The following OSBPL8 variants were observed in gnomAD, a reference collection of about 807,000 sequenced individuals.
OSBPL8 encodes the protein oxysterol-binding protein-related protein 8.
In OSBPL8, 59 loss-of-function variants were observed where a neutral mutation model predicts 125.5. The observed-to-expected ratio is 0.47, with a 90% CI of 0.38 to 0.58. The LOEUF is 0.58. Among genes scored for constraint, OSBPL8 ranks in the 20% least tolerant of loss-of-function variants. The probability of loss-of-function intolerance (pLI) is 0.00; values close to 1 mark genes in which losing one functional copy is unlikely to be tolerated. For synonymous variants in OSBPL8, 330 were observed against 338.9 expected (o/e 0.97, Z 0.29); for missense variants, 758 against 1,047.8 (o/e 0.72, Z 3.82).
Position 76,403,919 on chromosome 12 carries a change from G to T in OSBPL8, c.289-1153C>A, listed in dbSNP as rs186730439. ...AGAATGAACTTAGTAAATATCTAACGAATTAATAAAATGAAAATAAAATAG... is the reference window on the plus strand; with the variant it reads ...AGAATGAACTTAGTAAATATCTAACTAATTAATAAAATGAAAATAAAATAG... On this transcript the variant is annotated intron_variant, in intron 5 of 23. Coordinates refer to ENST00000261183, the MANE Select transcript of OSBPL8 (RefSeq NM_020841.5). Among the ~76,000 whole-genome samples, 294 of 152,172 alleles carry T rather than the reference G, an allele frequency of 1.9e-3. 1 individual carries two copies. The highest frequency in any genetic ancestry group is 6.7e-3 in the African/African-American group (278 of 41,554).
chr12:76,408,379 G>A (rs1319184059), intron 5 of OSBPL8, among the ~76,000 whole-genome samples: 2 of 149,452 alleles, frequency 1.3e-5, no homozygotes, highest in Non-Finnish European at 3.0e-5. Flanking sequence ...GAAGAATGGC[G>A]TGAACCCAGG....
At chr12:76,462,171 T>C (rs1874823399) in intron 2 of OSBPL8, among the ~76,000 whole-genome samples, 1 of 152,236 alleles carries the variant, frequency 6.6e-6, no homozygotes, top group African/African-American at 2.4e-5. Flanking sequence ...CATCTTCTAT[T>C]TAAAGATTAA....
intron 4 of OSBPL8, 124 bp downstream of exon 4, chr12:76,450,727 C>A (rs1490675076): frequency 2.2e-6 from 2 of 918,770 alleles, no homozygotes; most frequent in Non-Finnish European, 1.6e-6. Flanking sequence ...CAAACAAAAC[C>A]CCTTACAAAA....
At chr12:76,512,133 C>G (rs530956956) in intron 1 of OSBPL8, among the ~76,000 whole-genome samples, 3 of 152,150 alleles carry the variant, frequency 2.0e-5, no homozygotes, top group Non-Finnish European at 2.9e-5. Context: ...TAACCCTCCC[C>G]GCTCAAGTAG....
chr12:76,447,376 A>G (rs1392111693), intron 4 of OSBPL8, among the ~76,000 whole-genome samples: 1 of 152,206 alleles, frequency 6.6e-6, no homozygotes. Flanking sequence ...CACACTCCCT[A>G]CAAAGTATTC....
At chr12:76,527,729 G>A (rs1436095167) in intron 1 of OSBPL8, among the ~76,000 whole-genome samples, 1 of 152,106 alleles carries the variant, frequency 6.6e-6, no homozygotes, top group Non-Finnish European at 1.5e-5. Flanking sequence ...AAAAAACATT[G>A]AGTTGCAATA....
chr12:76,549,061 T>C (rs995184006), intron 1 of OSBPL8, among the ~76,000 whole-genome samples: 7 of 151,272 alleles, frequency 4.6e-5, no homozygotes, highest in African/African-American at 1.7e-4. Flanking sequence ...CAACAAAACT[T>C]ACAGATTACC....
At chr12:76,478,713 A>G (rs1877106162) in intron 2 of OSBPL8, among the ~76,000 whole-genome samples, 1 of 152,250 alleles carries the variant, frequency 6.6e-6, no homozygotes, top group Non-Finnish European at 1.5e-5. Context: ...ATATATTCAC[A>G]CTTAGGAAGT....
chr12:76,483,154 G>A (rs536396786), intron 2 of OSBPL8, among the ~76,000 whole-genome samples: 2 of 152,244 alleles, frequency 1.3e-5, no homozygotes, highest in East Asian at 3.9e-4. Context: ...CAGCTACTCA[G>A]GAGGCTGAGA....
chr12:76,398,394 C>T (rs1214714114), intron 7 of OSBPL8, among the ~76,000 whole-genome samples: 1 of 152,126 alleles, frequency 6.6e-6, no homozygotes, highest in African/African-American at 2.4e-5. Flanking sequence ...CCTAAAATTA[C>T]CTTATTCAAA....
At chr12:76,394,946 G>C (rs1215103538) in intron 8 of OSBPL8, among the ~76,000 whole-genome samples, 1 of 151,944 alleles carries the variant, frequency 6.6e-6, no homozygotes, top group Non-Finnish European at 1.5e-5. Context: ...CTGAACAAAT[G>C]AATTATCACT....
At chr12:76,373,289 T>TTC in intron 18 of OSBPL8, 55 bp downstream of exon 18, 1 of 1,188,680 alleles carries the variant, frequency 8.4e-7, no homozygotes, top group Non-Finnish European at 1.2e-6. Context: ...AATGTGATTT[T>TTC]TTTTTTCCCA....
At chr12:76,469,394 C>A (rs1261103832) in intron 2 of OSBPL8, among the ~76,000 whole-genome samples, 1 of 152,178 alleles carries the variant, frequency 6.6e-6, no homozygotes, top group Non-Finnish European at 1.5e-5. Flanking sequence ...CTTGTCACTG[C>A]ATCTTTCTAT....
intron 2 of OSBPL8, among the ~76,000 whole-genome samples, chr12:76,460,372 T>C (rs1325962494): frequency 6.6e-6 from 1 of 151,988 alleles, no homozygotes; most frequent in Non-Finnish European, 1.5e-5. Context: ...TACAAAGAGA[T>C]TTAGTATGTT....
chr12:76,392,908 G>A (rs1024237764), intron 9 of OSBPL8, among the ~76,000 whole-genome samples, 156 bp from the exon 10 acceptor site: 2 of 152,100 alleles, frequency 1.3e-5, no homozygotes, highest in Non-Finnish European at 2.9e-5. Flanking sequence ...AAATCTTTCC[G>A]TTTTTCAAAT....
intron 1 of OSBPL8, among the ~76,000 whole-genome samples, chr12:76,492,726 C>T (rs1858813431): frequency 6.6e-6 from 1 of 152,156 alleles, no homozygotes; most frequent in African/African-American, 2.4e-5. Flanking sequence ...CAAGATGGAC[C>T]ATCTAGCTGC....
chr12:76,535,233 CA>C (rs1200558320), intron 1 of OSBPL8, among the ~76,000 whole-genome samples: 1 of 151,868 alleles, frequency 6.6e-6, no homozygotes, highest in Non-Finnish European at 1.5e-5. Context: ...ACAAATGACT[CA>C]GATTCTGACT....
At chr12:76,366,868 C>G (rs1952435395) in intron 21 of OSBPL8, among the ~76,000 whole-genome samples, 1 of 152,142 alleles carries the variant, frequency 6.6e-6, no homozygotes, top group Non-Finnish European at 1.5e-5. Context: ...GTGATCTTGG[C>G]TCACTACAAC....
At chr12:76,421,280 T>A (rs1035992042) in intron 4 of OSBPL8, among the ~76,000 whole-genome samples, 8 of 152,058 alleles carry the variant, frequency 5.3e-5, no homozygotes, top group Non-Finnish European at 1.2e-4. Flanking sequence ...AAGCCACTTC[T>A]GAATGACAAA....
Sources: gnomAD v4.1 joint callset for allele counts (sites outside exome capture counted in the v4.1 genomes callset) on GRCh38, gnomAD v4.1.1 for gene constraint, MANE v1.5 for transcripts, NCBI Gene and HGNC (gene_info 2026-07-23, HGNC 2026-07-21) for gene names.